ANLN: variants seen among roughly 807,000 people sequenced by gnomAD.
The protein encoded by ANLN is anillin, actin binding protein, also known as anillin.
In ANLN, 59 loss-of-function variants were observed where a neutral mutation model predicts 135.1. The observed-to-expected ratio is 0.44, with a 90% CI of 0.35 to 0.54. The LOEUF is 0.54. Ranked by LOEUF, ANLN falls within the 20% of genes least tolerant of loss-of-function variation. The pLI is 0.00. For missense variants in ANLN, 1,182 were observed against 1,340.0 expected (o/e 0.88, Z 1.84); for synonymous variants, 406 against 456.4 (o/e 0.89, Z 1.41).
chr7:36,438,758 A>T (rs1788649053), intron 20 of ANLN, among the ~76,000 whole-genome samples: 2 of 152,174 alleles, frequency 1.3e-5, no homozygotes, highest in Admixed American at 6.5e-5. Flanking sequence ...TTAATTTTCA[A>T]GATTGATTTG....
At chr7:36,422,268 A>C (rs757327665) in intron 13 of ANLN, among the ~76,000 whole-genome samples, 1 of 145,416 alleles carries the variant, frequency 6.9e-6, no homozygotes, top group African/African-American at 2.6e-5. Context: ...CTATATATAC[A>C]CATGTACACA....
intron 5 of ANLN, among the ~76,000 whole-genome samples, chr7:36,409,844 GT>G (rs772225640): frequency 8.6e-5 from 13 of 151,916 alleles, no homozygotes; most frequent in Admixed American, 5.2e-4. Flanking sequence ...GTTAATTTTA[GT>G]ATTTTTTATA....
intron 20 of ANLN, among the ~76,000 whole-genome samples, chr7:36,428,023 C>G (rs951124855): frequency 6.6e-6 from 1 of 152,134 alleles, no homozygotes; most frequent in Admixed American, 6.5e-5. Flanking sequence ...GTGATTTACT[C>G]TTTAACATTG....
intron 12 of ANLN, among the ~76,000 whole-genome samples, chr7:36,421,007 T>C (rs1787854536): frequency 6.6e-6 from 1 of 152,220 alleles, no homozygotes; most frequent in African/African-American, 2.4e-5. Context: ...AGTATAACTA[T>C]TAATTGGATA....
intron 7 of ANLN, among the ~76,000 whole-genome samples, chr7:36,414,176 C>T (rs1394583640): frequency 6.6e-6 from 1 of 152,074 alleles, no homozygotes; most frequent in Non-Finnish European, 1.5e-5. Context: ...GCAGGTGGTG[C>T]TGTGTCGAGG....
intron 7 of ANLN, among the ~76,000 whole-genome samples, chr7:36,413,594 A>G (rs1387576016): frequency 6.6e-6 from 1 of 152,252 alleles, no homozygotes; most frequent in East Asian, 1.9e-4. Flanking sequence ...TATGCATGTA[A>G]ACAAAATTCT....
chr7:36,397,084 G>A (rs537831261), intron 2 of ANLN, among the ~76,000 whole-genome samples: 1 of 152,112 alleles, frequency 6.6e-6, no homozygotes, highest in East Asian at 1.9e-4. Context: ...TAGTACGACT[G>A]TAAAATACTG....
intron 3 of ANLN, among the ~76,000 whole-genome samples, chr7:36,402,988 ATGCCT>A (rs1787019998): frequency 6.6e-6 from 1 of 152,142 alleles, no homozygotes; most frequent in Admixed American, 6.5e-5. Context: ...TCTGTGGTGC[ATGCCT>A]GTAATCCCAG....
chr7:36,445,223 T>G (rs1788949347), intron 22 of ANLN, among the ~76,000 whole-genome samples: 2 of 141,536 alleles, frequency 1.4e-5, no homozygotes, highest in African/African-American at 5.2e-5. Context: ...ACGTGCCAAT[T>G]AATTATCTCC....
intron 5 of ANLN, 138 bp from the exon 6 acceptor site, chr7:36,410,376 A>G (rs776372323): frequency 1.6e-5 from 11 of 703,356 alleles, no homozygotes; most frequent in Admixed American, 3.5e-5. Flanking sequence ...AAGTATTTTT[A>G]TAGTCTACTT....
intron 20 of ANLN, among the ~76,000 whole-genome samples, chr7:36,436,462 T>C (rs1788554331): frequency 6.6e-6 from 1 of 152,214 alleles, no homozygotes. Flanking sequence ...TTTTCAGTTC[T>C]TTTGTACGTA....
In ANLN at chr7:36,406,711, T is replaced by G. The variant is rs1479751515; in HGVS notation, c.873+145T>G. 5.7e-4 allele frequency: 483 copies of G among 846,972 alleles called. 1 individual carries two copies. Among genetic ancestry groups the G allele is most frequent in the African/African-American group, 1.2e-4 (7 of 57,664 alleles). The allele number at this position is 846,972 out of a possible 1,614,324, so 52.5% of individuals were successfully genotyped here. A position where few individuals can be genotyped will look rare whatever the true frequency, so the allele number is the denominator to read the frequency against. On this transcript the variant is annotated intron_variant, in intron 4 of 23. Coordinates refer to ENST00000265748, the MANE Select transcript of ANLN (RefSeq NM_018685.5). Reference sequence around the variant, plus strand: ...TGAGTTTATATGTATTTGTAAGATATCGGTTTCTTAGAAAGTGAAAATCGT... The same window carrying G: ...TGAGTTTATATGTATTTGTAAGATAGCGGTTTCTTAGAAAGTGAAAATCGT...
intron 7 of ANLN, among the ~76,000 whole-genome samples, chr7:36,411,788 T>A (rs776426144): frequency 9.9e-5 from 15 of 152,228 alleles, no homozygotes; most frequent in Non-Finnish European, 2.1e-4. Flanking sequence ...GATTGATTTG[T>A]TTTTTATCAG....
At chr7:36,406,150 G>T (rs902125007) in intron 3 of ANLN, 31 bp from the exon 4 acceptor site, 16 of 1,561,200 alleles carry the variant, frequency 1.0e-5, no homozygotes, top group Admixed American at 9.4e-5. Context: ...CTTAAACATG[G>T]TTTTTAACTC....
At chr7:36,431,970 G>A (rs1040897500) in intron 20 of ANLN, among the ~76,000 whole-genome samples, 1 of 152,058 alleles carries the variant, frequency 6.6e-6, no homozygotes, top group Admixed American at 6.6e-5. Context: ...CCAACACTTT[G>A]GGAGGCCAAA....
In ANLN at chr7:36,424,851, A is replaced by G. The variant is rs76059227; in HGVS notation, c.2709+109A>G. 29,147 of 1,105,074 alleles carry G rather than the reference A, an allele frequency of 0.026. 500 individuals are homozygous for G. Among genetic ancestry groups the G allele is most frequent in the Middle Eastern group, 0.05 (169 of 3,386 alleles). The allele number at this position is 1,105,074 out of a possible 1,614,324, so 68.5% of individuals were successfully genotyped here. ...TTAATGATTAGGAAGTTTTTGGATC[A>G]GTTTCATGTTCCAATTTGTAGTTAC... is the stretch of plus-strand genomic sequence containing the variant. On this transcript the variant is annotated intron_variant, in intron 17 of 23. Transcript: ENST00000265748.
intron 12 of ANLN, among the ~76,000 whole-genome samples, chr7:36,421,224 C>T (rs528055734): frequency 1.3e-5 from 2 of 152,124 alleles, no homozygotes; most frequent in African/African-American, 4.8e-5. Flanking sequence ...TGCACCACCA[C>T]ACCTGGCTAA....
chr7:36,396,480 C>T lies in ANLN; in HGVS notation c.172+61C>T, dbSNP rs1460717032. ...TTTTTTTCTTTTGAAGGAGACAAGC[C>T]CCAAACATTTCATTAGCATATAGAA... is the stretch of plus-strand genomic sequence containing the variant. On this transcript the variant is annotated intron_variant, in intron 2 of 23. Transcript: ENST00000265748. The T allele has an allele frequency of 3.8e-5, 56 of 1,486,874 alleles. 1 individual carries two copies. Among genetic ancestry groups the T allele is most frequent in the Non-Finnish European group, 4.7e-5 (52 of 1,106,272 alleles). 92.1% of individuals were successfully genotyped at this position (1,486,874 alleles called of 1,614,324 possible).
At position 36,403,754 on chromosome 7, in the gene ANLN, C is replaced by T. The variant is rs532203081; in HGVS notation, c.488-2427C>T. Among the ~76,000 whole-genome samples, 6 of 152,042 alleles carry T rather than the reference C, an allele frequency of 3.9e-5. No individual in the cohort carries two copies. The East Asian group carries it at 5.8e-4, about 15-fold the overall frequency. ...ACCTCCTCCACCTCCCAGGCTCTAG[C>T]GATCCTCCCACCTCAGTGACCCGAG... On this transcript the variant is annotated intron_variant, in intron 3 of 23. Coordinates refer to ENST00000265748, the MANE Select transcript of ANLN (RefSeq NM_018685.5).
Sources: gnomAD v4.1 joint callset for allele counts (sites outside exome capture counted in the v4.1 genomes callset) on GRCh38, gnomAD v4.1.1 for gene constraint, MANE v1.5 for transcripts, NCBI Gene and HGNC (gene_info 2026-07-23, HGNC 2026-07-21) for gene names.